YWHAQ: variants seen among roughly 807,000 people sequenced by gnomAD.
The protein encoded by YWHAQ is 14-3-3 protein theta.
YWHAQ carries 6 observed loss-of-function variants against 28.3 expected under a neutral mutation model. The ratio of observed to expected loss-of-function variants is 0.21; its 90% CI spans 0.12 to 0.42. The LOEUF is 0.42. Ranked by LOEUF, YWHAQ falls within the 10% of genes least tolerant of loss-of-function variation. YWHAQ has a pLI of 1.00. For synonymous variants in YWHAQ, 143 were observed against 119.1 expected, an observed-to-expected ratio of 1.20 and a Z score of -1.31; for missense variants, 201 against 305.6, an observed-to-expected ratio of 0.66 and a Z score of 2.55.
In YWHAQ at chr2:9,630,962, A is replaced by G. The variant is rs1364725042; in HGVS notation, c.-104T>C. 1.3e-5 allele frequency: 2 copies of G among 152,674 alleles called. No homozygotes were observed. Among genetic ancestry groups the G allele is most frequent in the African/African-American group, 4.8e-5 (2 of 41,430 alleles). 9.5% of individuals were successfully genotyped at this position (152,674 alleles called of 1,614,324 possible). ...TCACCTTCACGTCTCCGCGGCCGCG[A>G]CGCGAGTCCCACCACTTTGATCTGC... On this transcript the variant is annotated 5_prime_UTR_variant, in exon 1 of 6. Transcript: ENST00000238081. The surrounding 1 kb of genome is among the most constrained non-coding windows in gnomAD (Gnocchi z 5.6).
intron 2 of YWHAQ, among the ~76,000 whole-genome samples, chr2:9,592,899 T>C (rs1332352761): frequency 1.3e-5 from 2 of 152,164 alleles, no homozygotes; most frequent in African/African-American, 4.8e-5. Context: ...ACTCAGTAAA[T>C]GTTAGCTAGT....
Position 9,591,281 on chromosome 2 carries a change from AATT to A in YWHAQ, c.418+108_418+110del, listed in dbSNP as rs536925977. 1.3e-3 allele frequency: 1,660 copies of A among 1,290,912 alleles called. 3 individuals are homozygous for A. The highest frequency in any genetic ancestry group is 1.4e-3 in the Admixed American group (57 of 40,890). 80.0% of individuals were successfully genotyped at this position (1,290,912 alleles called of 1,614,324 possible). ...ATACTAATTTTCTTGACATACATTC[AATT>A]ATTAAGTCACAAAGAGCCTGAAGAC... is the stretch of plus-strand genomic sequence containing the variant. On this transcript the variant is annotated intron_variant, in intron 3 of 5. Transcript: ENST00000238081.
intron 2 of YWHAQ, among the ~76,000 whole-genome samples, chr2:9,606,581 G>A (rs1296587654): frequency 6.6e-6 from 1 of 152,194 alleles, no homozygotes; most frequent in Non-Finnish European, 1.5e-5. Flanking sequence ...CCAGCCTGGA[G>A]TGCAGTGGTG....
At chr2:9,585,909 T>A in intron 5 of YWHAQ, among the ~76,000 whole-genome samples, 1 of 97,548 alleles carries the variant, frequency 1.0e-5, no homozygotes, top group African/African-American at 4.7e-5. Flanking sequence ...TGAGATCCTT[T>A]CTCAAAAAAA....
rs1667352848 is a variant in YWHAQ at position 9,630,605 on chromosome 2, C to T, written c.-82-71G>A. 2 of 702,852 alleles carry T rather than the reference C, an allele frequency of 2.8e-6. No individual in the cohort carries two copies. Among genetic ancestry groups the T allele is most frequent in the Non-Finnish European group, 2.2e-6 (1 of 453,374 alleles). 43.5% of individuals were successfully genotyped at this position (702,852 alleles called of 1,614,324 possible). ...GAGCGCCGTCAGACAATGCGGCCCG[C>T]CGCCCGCTTTTGTCTCCCGCACACG... On this transcript the variant is annotated intron_variant, in intron 1 of 5. Transcript: ENST00000238081. This position sits in a 1 kb window ranked among gnomAD's most constrained non-coding sequence, Gnocchi z 5.6.
intron 3 of YWHAQ, among the ~76,000 whole-genome samples, chr2:9,591,094 A>G (rs534683251): frequency 6.6e-6 from 1 of 152,370 alleles, no homozygotes; most frequent in East Asian, 1.9e-4. Context: ...AAAACTCTGG[A>G]GCTAAAAATA....
intron 2 of YWHAQ, among the ~76,000 whole-genome samples, chr2:9,613,828 G>A (rs1271463579): frequency 6.6e-6 from 1 of 152,210 alleles, no homozygotes; most frequent in Non-Finnish European, 1.5e-5. Flanking sequence ...AAATAAAGAT[G>A]TAGTTGAGGA....
intron 2 of YWHAQ, among the ~76,000 whole-genome samples, chr2:9,605,119 A>G (rs940071490): frequency 6.7e-6 from 1 of 148,484 alleles, no homozygotes; most frequent in Non-Finnish European, 1.5e-5. Context: ...AAAAAATGAT[A>G]GTTTCCCCAT....
rs200266765 is a variant in YWHAQ, at chr2:9,619,916, G to A, written c.294+10243C>T. On this transcript the variant is annotated intron_variant, in intron 2 of 5. Transcript: ENST00000238081. ...TGTAGCTTTTAAGAGCAAAAATCCTGTGAGCTGCATTCAAGTAATGTTTGG... is the reference window on the plus strand; with the variant it reads ...TGTAGCTTTTAAGAGCAAAAATCCTATGAGCTGCATTCAAGTAATGTTTGG... Among the ~76,000 whole-genome samples, 22 of 152,294 alleles carry A rather than the reference G, an allele frequency of 1.4e-4. No individual in the cohort carries two copies. In the East Asian group the frequency reaches 2.3e-3, roughly 16 times the overall value.
At chr2:9,585,976 T>A (rs180939269) in intron 5 of YWHAQ, among the ~76,000 whole-genome samples, 1 of 151,454 alleles carries the variant, frequency 6.6e-6, no homozygotes, top group Non-Finnish European at 1.5e-5. Context: ...ATAAGCAAAG[T>A]GATAGTCTCT....
At chr2:9,619,346 A>G (rs904791459) in intron 2 of YWHAQ, among the ~76,000 whole-genome samples, 28 of 152,232 alleles carry the variant, frequency 1.8e-4, no homozygotes, top group African/African-American at 5.5e-4. Flanking sequence ...GAGTTATTCA[A>G]ACTGCATCAG....
At chr2:9,622,155 G>A (rs569952168) in intron 2 of YWHAQ, among the ~76,000 whole-genome samples, 2 of 150,968 alleles carry the variant, frequency 1.3e-5, no homozygotes, top group African/African-American at 4.9e-5. Flanking sequence ...TGCACGTCCT[G>A]CACTTGTATC....
chr2:9,630,531 A>T lies in YWHAQ; in HGVS notation c.-79T>A, dbSNP rs1363053634. 1 of 1,364,432 alleles carries T rather than the reference A, an allele frequency of 7.3e-7. No homozygotes were observed. The highest frequency in any genetic ancestry group is 9.7e-7 in the Non-Finnish European group (1 of 1,029,758). The allele number at this position is 1,364,432 out of a possible 1,614,324, so 84.5% of individuals were successfully genotyped here. A position where few individuals can be genotyped will look rare whatever the true frequency, so the allele number is the denominator to read the frequency against. ...CCGACCCGCAGCGGGAGGAGCCTCG[A>T]GAGCTGCGGAGGGGCGGGGCGGCGA... On this transcript the variant is annotated 5_prime_UTR_variant, in exon 2 of 6. Coordinates refer to ENST00000238081, the MANE Select transcript of YWHAQ (RefSeq NM_006826.4). This position sits in a 1 kb window ranked among gnomAD's most constrained non-coding sequence, Gnocchi z 5.6.
chr2:9,627,049 C>G (rs1667260248), intron 2 of YWHAQ, among the ~76,000 whole-genome samples: 2 of 152,196 alleles, frequency 1.3e-5, no homozygotes, highest in African/African-American at 4.8e-5. Flanking sequence ...AATCTTAACT[C>G]CCCTCATCTT....
chr2:9,601,229 T>C (rs1572993033), intron 2 of YWHAQ, among the ~76,000 whole-genome samples: 4 of 152,244 alleles, frequency 2.6e-5, no homozygotes, highest in Admixed American at 6.5e-5. Flanking sequence ...TGGGAAGCCA[T>C]GGTGGGTGGA....
intron 3 of YWHAQ, among the ~76,000 whole-genome samples, chr2:9,590,301 T>G (rs1226384019): frequency 6.6e-6 from 1 of 152,178 alleles, no homozygotes. Context: ...GCAACAGAAA[T>G]TACACATCAG....
intron 2 of YWHAQ, among the ~76,000 whole-genome samples, chr2:9,604,781 T>A (rs190560747): frequency 6.8e-6 from 1 of 147,776 alleles, no homozygotes; most frequent in African/African-American, 2.4e-5. Context: ...GAGCGATGGT[T>A]ATAATAAAAA....
chr2:9,593,636 C>T (rs2125063639), intron 2 of YWHAQ, among the ~76,000 whole-genome samples: 1 of 152,014 alleles, frequency 6.6e-6, no homozygotes, highest in Admixed American at 6.6e-5. Context: ...TGAGACCAGC[C>T]TGGGCAACAT....
intron 2 of YWHAQ, among the ~76,000 whole-genome samples, chr2:9,626,949 C>G (rs1460631045): frequency 6.6e-6 from 1 of 152,176 alleles, no homozygotes; most frequent in Non-Finnish European, 1.5e-5. Flanking sequence ...CTCTACAGCC[C>G]CAAACCATGA....
Sources: allele counts gnomAD v4.1 joint callset (sites outside exome capture counted in the v4.1 genomes callset), GRCh38; gene constraint gnomAD v4.1.1; non-coding constraint Gnocchi (gnomAD v3.1); transcripts MANE v1.5; gene names NCBI Gene and HGNC (gene_info 2026-07-23, HGNC 2026-07-21).